The following MROH1 variants were observed in gnomAD, a reference collection of about 807,000 sequenced individuals.
MROH1 encodes maestro heat-like repeat-containing protein family member 1.
MROH1 carries 117 observed loss-of-function variants against 116.5 expected under a neutral mutation model. That is an observed-to-expected ratio of 1.00 (90% CI 0.86 to 1.17). The LOEUF (loss-of-function observed/expected upper bound fraction) is 1.17, where lower values mean the gene tolerates loss of function less well. Ranked by LOEUF, MROH1 falls within the 50% of genes most tolerant of loss-of-function variation. The probability of loss-of-function intolerance (pLI) is 0.00; values close to 1 mark genes in which losing one functional copy is unlikely to be tolerated. For missense variants in MROH1, 1,873 were observed against 1,338.5 expected (o/e 1.40, Z -6.23); for synonymous variants, 921 against 583.9 (o/e 1.58, Z -8.32).
rs142853141 is a variant in MROH1, at chr8:144,211,485, G to A, written c.1142-9115G>A. Among the ~76,000 whole-genome samples, 615 of 152,210 alleles carry A rather than the reference G, an allele frequency of 4.0e-3. 2 individuals carry two copies. The highest frequency in any genetic ancestry group is 0.014 in the African/African-American group (589 of 41,548). On this transcript the variant is annotated intron_variant, in intron 12 of 43. Transcript: ENST00000326134. ...TCATGCCTGTAATCCCAGCACTTTG[G>A]GAGGCGGAGGCAGGTGGATCACGAG...
chr8:144,159,714 G>T (rs1447591642), intron 1 of MROH1, among the ~76,000 whole-genome samples: 2 of 151,370 alleles, frequency 1.3e-5, no homozygotes. Context: ...TGTATTGGTT[G>T]GTTCATCCTC....
chr8:144,192,449 C>A, intron 10 of MROH1, 48 bp downstream of exon 10: 1 of 1,493,566 alleles, frequency 6.7e-7, no homozygotes, highest in Non-Finnish European at 9.0e-7. Flanking sequence ...CACACCCTTC[C>A]GTGGGAAGTT....
At chr8:144,220,745 T>A in intron 13 of MROH1, 72 bp downstream of exon 13, 11 of 1,386,380 alleles carry the variant, frequency 7.9e-6, no homozygotes, top group Non-Finnish European at 1.0e-5. Flanking sequence ...CAGGCTGTGC[T>A]GTGAGATCAC....
intron 12 of MROH1, among the ~76,000 whole-genome samples, chr8:144,206,847 A>G (rs1832930462): frequency 6.6e-6 from 1 of 151,526 alleles, no homozygotes. Context: ...AGCCTGGCCA[A>G]CATGGTGAAA....
At chr8:144,167,656 G>T (rs889815263) in intron 3 of MROH1, among the ~76,000 whole-genome samples, 2 of 152,150 alleles carry the variant, frequency 1.3e-5, no homozygotes, top group African/African-American at 4.8e-5. Flanking sequence ...CCCATGTACA[G>T]GGAACCACCT....
chr8:144,188,549 C>T (rs962991033), intron 7 of MROH1, among the ~76,000 whole-genome samples: 20 of 149,076 alleles, frequency 1.3e-4, no homozygotes, highest in African/African-American at 4.9e-4. Flanking sequence ...TCACTGCAAC[C>T]TCTGCCTCCC....
At position 144,238,880 on chromosome 8, in the gene MROH1, C is replaced by T. The variant is rs1157057748; in HGVS notation, c.1446+17C>T. On this transcript the variant is annotated intron_variant, in intron 15 of 43. Coordinates refer to ENST00000326134, the MANE Select transcript of MROH1 (RefSeq NM_032450.3). ...ATGAGTCACGTGAGTGCACGGCACC[C>T]GTCCCTGCCTGGCGACAACAGAGCT... The T allele has an allele frequency of 1.8e-5, 14 of 771,484 alleles. No individual in the cohort carries two copies. The highest frequency in any genetic ancestry group is 2.5e-4 in the Middle Eastern group (1 of 3,950). The allele number at this position is 771,484 out of a possible 1,614,324, so 47.8% of individuals were successfully genotyped here. A position where few individuals can be genotyped will look rare whatever the true frequency, so the allele number is the denominator to read the frequency against.
intron 1 of MROH1, among the ~76,000 whole-genome samples, chr8:144,159,634 T>C (rs1293977161): frequency 6.6e-6 from 1 of 152,220 alleles, no homozygotes; most frequent in South Asian, 2.1e-4. Flanking sequence ...TTCTCAAACA[T>C]ATGAAATAGT....
At position 144,179,455 on chromosome 8, in the gene MROH1, C is replaced by T. The variant is rs995214773; in HGVS notation, c.169C>T (p.Leu57=). ...CGACCTGGACGGTGTCTCTCCGCAGCTGGCACACCCATACCGAGCAGCGGT... is the reference window on the plus strand; with the variant it reads ...CGACCTGGACGGTGTCTCTCCGCAGTTGGCACACCCATACCGAGCAGCGGT... The part of the protein sequence containing the change: ...CEEYLRQHDK[L]AHPYRAAVLR... The change falls in exon 5 of 44, where the codon CTG becomes TTG. Residue 57 remains leucine (L), a splice_region_variant and synonymous_variant. Transcript: ENST00000326134. The T allele has an allele frequency of 1.2e-6, 2 of 1,613,268 alleles. No individual in the cohort carries two copies. The highest frequency in any genetic ancestry group is 1.7e-6 in the Non-Finnish European group (2 of 1,179,680).
In MROH1 at chr8:144,260,708, G is replaced by A. The variant is rs1448084117; in HGVS notation, c.4412G>A (p.Arg1471His). Residue 1471 changes from arginine (R) to histidine (H), a missense_variant, in exon 40 of 44, where the codon CGC (arginine) becomes CAC (histidine). Transcript: ENST00000326134. ...EKMEFRTASI[R>H]LFGHLNKVCH... ...ATGGAGTTCCGGACGGCATCTATCCGCCTCTTTGGGCACCTTAACAAGGTC... is the reference window on the plus strand; with the variant it reads ...ATGGAGTTCCGGACGGCATCTATCCACCTCTTTGGGCACCTTAACAAGGTC... 16 of 779,442 alleles carry A rather than the reference G, an allele frequency of 2.1e-5. No individual in the cohort carries two copies. The highest frequency in any genetic ancestry group is 3.8e-5 in the Non-Finnish European group (16 of 417,796). 48.3% of individuals were successfully genotyped at this position (779,442 alleles called of 1,614,324 possible).
chr8:144,220,687 GC>G lies in MROH1; in HGVS notation c.1215+16del. 1 of 1,561,736 alleles carries G rather than the reference GC, an allele frequency of 6.4e-7. No homozygotes were observed. Among genetic ancestry groups the G allele is most frequent in the Non-Finnish European group, 8.7e-7 (1 of 1,153,126 alleles). On this transcript the variant is annotated intron_variant, in intron 13 of 43. Coordinates refer to ENST00000326134, the MANE Select transcript of MROH1 (RefSeq NM_032450.3). ...ACCAACAGCAAGGTAAACCACATGG[GC>G]CAGCCCAGGCTGCACCACCACACCA...
Position 144,260,808 on chromosome 8 carries a change from G to T in MROH1, c.4512G>T (p.Gln1504His). The stretch of plus-strand genomic sequence containing the variant: ...TGGCGCCCCTGCTGCTGCACCTGCA[G>T]GACCCTCAGGCCACCGTGGCCAGCG... Reference protein sequence around the residue: ...GGLAPLLLHLQDPQATVASAC... With the variant: ...GGLAPLLLHLHDPQATVASAC... The change falls in exon 40 of 44, where the codon CAG (glutamine) becomes CAT (histidine). Residue 1504 changes from glutamine to histidine, a missense_variant. Coordinates refer to ENST00000326134, the MANE Select transcript of MROH1 (RefSeq NM_032450.3). The T allele has an allele frequency of 1.3e-6, 1 of 778,098 alleles. No homozygotes were observed. The allele number at this position is 778,098 out of a possible 1,614,324, so 48.2% of individuals were successfully genotyped here. A position where few individuals can be genotyped will look rare whatever the true frequency, so the allele number is the denominator to read the frequency against.
chr8:144,179,461 C>A lies in MROH1; in HGVS notation c.175C>A (p.His59Asn). 6.2e-7 allele frequency: 1 copy of A among 1,613,458 alleles called. No homozygotes were observed. Among genetic ancestry groups the A allele is most frequent in the Non-Finnish European group, 8.5e-7 (1 of 1,179,794 alleles). The stretch of plus-strand genomic sequence containing the variant: ...GGACGGTGTCTCTCCGCAGCTGGCA[C>A]ACCCATACCGAGCAGCGGTCCTGAG... ...EYLRQHDKLA[H>N]PYRAAVLRAM... The change falls in exon 5 of 44, where the codon CAC (histidine) becomes AAC (asparagine). Residue 59 changes from histidine to asparagine, a missense_variant. Coordinates refer to ENST00000326134, the MANE Select transcript of MROH1 (RefSeq NM_032450.3).
intron 28 of MROH1, 83 bp downstream of exon 28, chr8:144,244,622 T>A (rs962872493): frequency 8.4e-6 from 6 of 712,234 alleles, no homozygotes; most frequent in Admixed American, 2.0e-5. Context: ...TCTCCACATG[T>A]GGGCACCACA....
chr8:144,210,553 A>G (rs1345640688), intron 12 of MROH1, among the ~76,000 whole-genome samples: 1 of 152,012 alleles, frequency 6.6e-6, no homozygotes, highest in Non-Finnish European at 1.5e-5. Flanking sequence ...TTAGCTGGGT[A>G]TAGTGGCGCA....
At chr8:144,239,870 G>C (rs929911484) in intron 18 of MROH1, 115 bp downstream of exon 18, 25 of 682,632 alleles carry the variant, frequency 3.7e-5, no homozygotes, top group Non-Finnish European at 6.5e-5. Context: ...GGCCAATGGG[G>C]ACTAGGGTTG....
intron 3 of MROH1, among the ~76,000 whole-genome samples, chr8:144,165,884 A>AT (rs1203415482): frequency 7.0e-6 from 1 of 143,204 alleles, no homozygotes; most frequent in African/African-American, 2.6e-5. Flanking sequence ...TCAGGCATTT[A>AT]TTTTTTCCCC....
intron 1 of MROH1, among the ~76,000 whole-genome samples, chr8:144,153,980 T>G (rs1266973209): frequency 6.6e-6 from 1 of 152,208 alleles, no homozygotes; most frequent in Non-Finnish European, 1.5e-5. Context: ...CAGGATGGTC[T>G]CGATCTCTTG....
chr8:144,192,392 G>T lies in MROH1; in HGVS notation c.939G>T (p.Leu313=). 1 of 1,589,728 alleles carries T rather than the reference G, an allele frequency of 6.3e-7. No homozygotes were observed. Reference sequence around the variant, plus strand: ...AGCTGGATGCCCTCTTGGCTGCACTGCACTCCCAGGTAGGAGGCGGGCGTC... The same window carrying T: ...AGCTGGATGCCCTCTTGGCTGCACTTCACTCCCAGGTAGGAGGCGGGCGTC... The part of the protein sequence containing the change: ...ETQLDALLAA[L]HSQICVPVES... The change falls in exon 10 of 44, where the codon CTG becomes CTT. Residue 313 remains leucine, a synonymous_variant. Coordinates refer to ENST00000326134, the MANE Select transcript of MROH1 (RefSeq NM_032450.3).
Sources: gnomAD v4.1 joint callset for allele counts (sites outside exome capture counted in the v4.1 genomes callset) on GRCh38, gnomAD v4.1.1 for gene constraint, MANE v1.5 for transcripts, NCBI Gene and HGNC (gene_info 2026-07-23, HGNC 2026-07-21) for gene names.